CDH3: variants seen among roughly 807,000 people sequenced by gnomAD.
CDH3 encodes the protein cadherin 3, also known as cadherin-3.
Under a neutral mutation model 82.0 loss-of-function variants are expected in CDH3, and 54 were observed. The ratio of observed to expected loss-of-function variants is 0.66; its 90% CI spans 0.53 to 0.83. The LOEUF (loss-of-function observed/expected upper bound fraction) is 0.83. Among genes scored for constraint, CDH3 ranks in the 40% least tolerant of loss-of-function variants. The probability of loss-of-function intolerance (pLI) is 0.00; values close to 1 mark genes in which losing one functional copy is unlikely to be tolerated. For synonymous variants in CDH3, 446 were observed against 437.9 expected, an observed-to-expected ratio of 1.02 and a Z score of -0.23; for missense variants, 1,054 against 1,084.6, an observed-to-expected ratio of 0.97 and a Z score of 0.40.
At chr16:68,665,547 T>C (rs1312520067) in intron 2 of CDH3, among the ~76,000 whole-genome samples, 3 of 152,344 alleles carry the variant, frequency 2.0e-5, no homozygotes, top group South Asian at 4.1e-4. Flanking sequence ...GAGTACTTAC[T>C]GTTAAACAGT....
At chr16:68,728,458 G>T (rs1388756149), downstream of CDH3, among the ~76,000 whole-genome samples, 1 of 151,984 alleles carries the variant, frequency 6.6e-6, no homozygotes, top group Non-Finnish European at 1.5e-5. Context: ...GAGCCACCGC[G>T]CCTGGCCTTG....
rs1491091909 is a variant in CDH3 at position 68,653,249 on chromosome 16, TTA to T, written c.160+7501_160+7502del. On this transcript the variant is annotated intron_variant, in intron 2 of 15. Transcript: ENST00000264012. The stretch of plus-strand genomic sequence containing the variant: ...TTCAATTATTTTATTTTATTTTATT[TTA>T]TTTTTGAGACAGAGTTTTGCTCTTG... Among the ~76,000 whole-genome samples, 287 of 142,312 alleles carry T rather than the reference TTA, an allele frequency of 2.0e-3. 1 individual carries two copies. The highest frequency in any genetic ancestry group is 7.3e-3 in the African/African-American group (274 of 37,618). 93.4% of individuals were successfully genotyped at this position (142,312 alleles called of 152,430 possible).
At chr16:68,715,199 G>A (rs2152110548) in intron 1 of CDH3, among the ~76,000 whole-genome samples, 1 of 152,132 alleles carries the variant, frequency 6.6e-6, no homozygotes, top group Middle Eastern at 3.4e-3. Flanking sequence ...GCTGAGGTGA[G>A]CAGATCACTC....
rs532648409 is a variant in CDH3 at position 68,706,675 on chromosome 16, C to T, written c.99+10752C>T. ...TCAAGCGATTCTCGTGCCTCAGCCT[C>T]CTGAGTAGCTGGGACTACAGGTGCA... is the stretch of plus-strand genomic sequence containing the variant. On this transcript the variant is annotated intron_variant, in intron 1 of 2. Transcript: ENST00000569080. 2.6e-5 allele frequency among the ~76,000 whole-genome samples: 4 copies of T among 151,076 alleles called. No individual in the cohort carries two copies. The East Asian group carries it at 7.9e-4, about 30-fold the overall frequency.
chr16:68,649,903 G>A (rs1241594179), intron 2 of CDH3, among the ~76,000 whole-genome samples: 4 of 152,066 alleles, frequency 2.6e-5, no homozygotes, highest in Admixed American at 2.6e-4. Context: ...GTGTGATGGT[G>A]GTGTGCCTGT....
chr16:68,675,066 T>G (rs1332983615), intron 2 of CDH3, among the ~76,000 whole-genome samples: 1 of 151,102 alleles, frequency 6.6e-6, no homozygotes, highest in Non-Finnish European at 1.5e-5. Flanking sequence ...TGAGCCGAGA[T>G]CATGCCACTG....
At chr16:68,672,227 A>T (rs1249080440) in intron 2 of CDH3, among the ~76,000 whole-genome samples, 2 of 147,526 alleles carry the variant, frequency 1.4e-5, no homozygotes, top group African/African-American at 2.5e-5. Flanking sequence ...AAATAAAAAA[A>T]AAAGAAAATA....
chr16:68,730,847 C>T (rs888148435), downstream of CDH3, among the ~76,000 whole-genome samples: 50 of 150,070 alleles, frequency 3.3e-4, no homozygotes, highest in Non-Finnish European at 6.9e-4. Context: ...ATGGAGAAAC[C>T]CCGTCTCTAC....
chr16:68,678,684 A>AT (rs1239092974), intron 5 of CDH3, 28 bp downstream of exon 5: 1 of 1,614,164 alleles, frequency 6.2e-7, no homozygotes, highest in East Asian at 2.2e-5. Context: ...TCTACTGTAA[A>AT]TGTCCCCTCA....
At chr16:68,692,348 C>T (rs951301392) in intron 13 of CDH3, among the ~76,000 whole-genome samples, 1 of 152,186 alleles carries the variant, frequency 6.6e-6, no homozygotes, top group African/African-American at 2.4e-5. Context: ...ACTCCTTAAA[C>T]TCCTAATTCT....
chr16:68,692,311 A>ACTGCGC (rs1274943994), intron 13 of CDH3, among the ~76,000 whole-genome samples: 5 of 152,096 alleles, frequency 3.3e-5, no homozygotes, highest in Non-Finnish European at 5.9e-5. Context: ...TGCTGGGATT[A>ACTGCGC]CAGGTGTGAG....
chr16:68,693,613 G>A (rs763426139), intron 13 of CDH3, among the ~76,000 whole-genome samples: 26 of 152,260 alleles, frequency 1.7e-4, no homozygotes, highest in African/African-American at 3.6e-4. Flanking sequence ...TCCATTTGGC[G>A]TCTTGCCTTC....
chr16:68,716,276 T>C (rs181911986), intron 1 of CDH3, among the ~76,000 whole-genome samples: 3 of 151,330 alleles, frequency 2.0e-5, no homozygotes, highest in Admixed American at 2.0e-4. Context: ...AGGGAATTGA[T>C]TCAATAAATT....
At chr16:68,692,612 G>A (rs1039454546) in intron 13 of CDH3, among the ~76,000 whole-genome samples, 6 of 152,148 alleles carry the variant, frequency 3.9e-5, no homozygotes, top group African/African-American at 1.4e-4. Flanking sequence ...TAATCTGCAT[G>A]TTAACAAGCT....
At chr16:68,677,979 C>G (rs897960666) in intron 3 of CDH3, among the ~76,000 whole-genome samples, 155 bp from the exon 4 acceptor site, 2 of 151,024 alleles carry the variant, frequency 1.3e-5, no homozygotes, top group Non-Finnish European at 2.9e-5. Flanking sequence ...CCAGGCTGCT[C>G]TGGAACTCCT....
In CDH3 at chr16:68,679,552, G is replaced by A. The variant is rs57721399; in HGVS notation, c.692-247G>A. Among the ~76,000 whole-genome samples the A allele has an allele frequency of 0.17, 26,303 of 151,638 alleles. 2,694 individuals carry two copies. Among genetic ancestry groups the A allele is most frequent in the African/African-American group, 0.29 (11,905 of 41,340 alleles). On this transcript the variant is annotated intron_variant, in intron 6 of 15. Transcript: ENST00000264012. The stretch of plus-strand genomic sequence containing the variant: ...TACTAAAAATATTAAAAAATTAGCC[G>A]GGCGTGGTGGCGGGCACTTGTAATC...
At chr16:68,671,284 C>T (rs1960877957) in intron 2 of CDH3, among the ~76,000 whole-genome samples, 1 of 151,768 alleles carries the variant, frequency 6.6e-6, no homozygotes, top group Non-Finnish European at 1.5e-5. Flanking sequence ...TGCCACCATG[C>T]CCAGCTGAGA....
downstream of CDH3, among the ~76,000 whole-genome samples, chr16:68,728,588 G>A (rs1183507332): frequency 1.3e-5 from 2 of 152,120 alleles, no homozygotes; most frequent in African/African-American, 4.8e-5. Flanking sequence ...GAGCCACCAC[G>A]CCCAGCCCCT....
intron 11 of CDH3, 99 bp from the exon 12 acceptor site, chr16:68,687,413 G>C: frequency 1.2e-6 from 1 of 850,588 alleles, no homozygotes. Flanking sequence ...GGGCATGGAA[G>C]GTCTTGAGAG....
Sources: gnomAD v4.1 joint callset for allele counts (sites outside exome capture counted in the v4.1 genomes callset) on GRCh38, gnomAD v4.1.1 for gene constraint, MANE v1.5 for transcripts, NCBI Gene and HGNC (gene_info 2026-07-23, HGNC 2026-07-21) for gene names.